SUMF1: variants seen among roughly 807,000 people sequenced by gnomAD.
The protein encoded by SUMF1 is formylglycine-generating enzyme.
SUMF1 carries 48 observed loss-of-function variants against 47.6 expected under a neutral mutation model. That is an observed-to-expected ratio of 1.01 (90% CI 0.80 to 1.28). The LOEUF is 1.28. SUMF1 is among the 50% of genes most tolerant of loss of function. SUMF1 has a pLI of 0.00. For synonymous variants in SUMF1, 230 were observed against 192.1 expected, an observed-to-expected ratio of 1.20 and a Z score of -1.63; for missense variants, 571 against 485.4, an observed-to-expected ratio of 1.18 and a Z score of -1.66.
At position 4,383,855 on chromosome 3, in the gene SUMF1, T is replaced by C. The variant is rs1700586590; in HGVS notation, c.955-7466A>G. 2.6e-5 allele frequency among the ~76,000 whole-genome samples: 4 copies of C among 152,216 alleles called. No homozygotes were observed. The South Asian group carries it at 6.2e-4, about 24-fold the overall frequency. ...TGTCTTCTGCCAGCATCCATGACACTGTAGTGGCCTAACTCATGAGCTTGC... is the reference window on the plus strand; with the variant it reads ...TGTCTTCTGCCAGCATCCATGACACCGTAGTGGCCTAACTCATGAGCTTGC... On this transcript the variant is annotated intron_variant, in intron 7 of 8. Coordinates refer to ENST00000272902, the MANE Select transcript of SUMF1 (RefSeq NM_182760.4).
intron 8 of SUMF1, among the ~76,000 whole-genome samples, chr3:4,203,291 G>T (rs1695579421): frequency 6.6e-6 from 1 of 151,844 alleles, no homozygotes; most frequent in South Asian, 2.1e-4. Flanking sequence ...ATATATATTT[G>T]CAATTATTAT....
At chr3:4,159,733 G>A (rs1326884423) in intron 8 of SUMF1, among the ~76,000 whole-genome samples, 1 of 152,078 alleles carries the variant, frequency 6.6e-6, no homozygotes, top group Non-Finnish European at 1.5e-5. Context: ...TTTCTTATAG[G>A]ACAGACCTGG....
At chr3:4,137,813 A>G (rs190870360) in intron 8 of SUMF1, among the ~76,000 whole-genome samples, 2 of 152,098 alleles carry the variant, frequency 1.3e-5, no homozygotes, top group East Asian at 3.9e-4. Context: ...AGCCAGAGCA[A>G]CTGCGCAGAA....
At chr3:4,342,577 C>T (rs1329628586) in intron 8 of SUMF1, among the ~76,000 whole-genome samples, 2 of 152,124 alleles carry the variant, frequency 1.3e-5, no homozygotes, top group Non-Finnish European at 2.9e-5. Context: ...AAAAGTCACT[C>T]CTCAGTTTTA....
chr3:4,194,364 C>T (rs535874476), intron 8 of SUMF1, among the ~76,000 whole-genome samples: 4 of 152,182 alleles, frequency 2.6e-5, no homozygotes, highest in South Asian at 4.2e-4. Context: ...AGTTCAAGTC[C>T]GCTTAATTCT....
At chr3:4,368,895 G>A (rs1344172457) in intron 8 of SUMF1, among the ~76,000 whole-genome samples, 1 of 152,130 alleles carries the variant, frequency 6.6e-6, no homozygotes, top group Admixed American at 6.6e-5. Flanking sequence ...CATCCTGTGT[G>A]CCATGAGCAT....
chr3:4,335,583 G>A (rs1699130234), intron 8 of SUMF1, among the ~76,000 whole-genome samples: 1 of 152,132 alleles, frequency 6.6e-6, no homozygotes, highest in South Asian at 2.1e-4. Flanking sequence ...TTTGGGCGAG[G>A]TCAGGGACCT....
chr3:4,105,401 C>T (rs994287778), intron 8 of SUMF1, among the ~76,000 whole-genome samples: 2 of 152,054 alleles, frequency 1.3e-5, no homozygotes, highest in African/African-American at 4.8e-5. Flanking sequence ...AAGTTTTCTG[C>T]AGTGAGCCTG....
chr3:4,087,105 T>C lies in SUMF1; in HGVS notation c.1015-18360A>G, dbSNP rs531215120. Among the ~76,000 whole-genome samples the C allele has an allele frequency of 1.9e-3, 296 of 152,262 alleles. 4 individuals carry two copies. Among genetic ancestry groups the C allele is most frequent in the African/African-American group, 6.0e-3 (248 of 41,534 alleles). On this transcript the variant is annotated intron_variant and NMD_transcript_variant, in intron 8 of 12. Transcript: ENST00000448413. ...TAGTTTCCAAAGAGCGATCACTAAA[T>C]AATGATTCTATGGCGCTGAGCAACT...
intron 1 of SUMF1, among the ~76,000 whole-genome samples, chr3:4,456,697 T>C (rs1215215066): frequency 2.2e-5 from 3 of 136,096 alleles, no homozygotes; most frequent in Non-Finnish European, 3.1e-5. Context: ...TGTGTGTATA[T>C]ATATATACGT....
intron 3 of SUMF1, among the ~76,000 whole-genome samples, chr3:4,429,863 G>A (rs771053752): frequency 2.6e-5 from 4 of 152,110 alleles, no homozygotes; most frequent in East Asian, 1.9e-4. Context: ...TCATCTCACC[G>A]GGCAGCAGAA....
chr3:4,186,914 C>T (rs1381304349), intron 8 of SUMF1, among the ~76,000 whole-genome samples: 3 of 152,140 alleles, frequency 2.0e-5, no homozygotes, highest in East Asian at 1.9e-4. Context: ...TTTAGATATA[C>T]CCCAAAACCA....
chr3:4,146,039 T>G (rs1199152441), intron 8 of SUMF1, among the ~76,000 whole-genome samples: 2 of 152,120 alleles, frequency 1.3e-5, no homozygotes, highest in Non-Finnish European at 1.5e-5. Flanking sequence ...GAAGCCCCAT[T>G]TATTCCAGCA....
chr3:4,309,266 A>G (rs1698312429), intron 8 of SUMF1, among the ~76,000 whole-genome samples: 1 of 152,214 alleles, frequency 6.6e-6, no homozygotes, highest in South Asian at 2.1e-4. Flanking sequence ...AAAAGGGAAG[A>G]GGGTATAATG....
At chr3:4,406,485 G>A (rs539917336) in intron 7 of SUMF1, among the ~76,000 whole-genome samples, 8 of 151,996 alleles carry the variant, frequency 5.3e-5, no homozygotes, top group South Asian at 4.2e-4. Flanking sequence ...GTAAAGCCCC[G>A]TCTCTACTAA....
intron 8 of SUMF1, among the ~76,000 whole-genome samples, chr3:4,363,538 G>A (rs1699842303): frequency 6.6e-6 from 1 of 151,742 alleles, no homozygotes; most frequent in Admixed American, 6.6e-5. Context: ...TGTTATTGGT[G>A]TATAAGATTG....
chr3:4,422,767 C>T (rs1267715704), intron 3 of SUMF1, among the ~76,000 whole-genome samples: 1 of 149,614 alleles, frequency 6.7e-6, no homozygotes, highest in African/African-American at 2.5e-5. Flanking sequence ...TCTTTTCTTC[C>T]TTTTTTTTTT....
chr3:4,258,400 TCAAA>T (rs1697006509), intron 8 of SUMF1, among the ~76,000 whole-genome samples: 1 of 141,436 alleles, frequency 7.1e-6, no homozygotes, highest in Non-Finnish European at 1.5e-5. Context: ...TACAATGAAC[TCAAA>T]CAAATTTACA....
intron 8 of SUMF1, among the ~76,000 whole-genome samples, chr3:4,243,026 C>G (rs1178743139): frequency 6.6e-6 from 1 of 151,874 alleles, no homozygotes; most frequent in East Asian, 1.9e-4. Flanking sequence ...TCCATTTCTT[C>G]TAGATTTTCT....
Sources: gnomAD v4.1 joint callset for allele counts (sites outside exome capture counted in the v4.1 genomes callset) on GRCh38, gnomAD v4.1.1 for gene constraint, MANE v1.5 for transcripts, NCBI Gene and HGNC (gene_info 2026-07-23, HGNC 2026-07-21) for gene names.